The following PSMA2 variants were observed in gnomAD, a reference collection of about 807,000 sequenced individuals.
The protein encoded by PSMA2 is proteasome subunit alpha type-2.
In PSMA2, 2 loss-of-function variants were observed where a neutral mutation model predicts 35.9. The observed-to-expected ratio is 0.06, with a 90% CI of 0.02 to 0.18. The LOEUF (loss-of-function observed/expected upper bound fraction) is 0.18, where lower values mean the gene tolerates loss of function less well. PSMA2 is among the 10% of genes least tolerant of loss of function. The pLI is 1.00. For synonymous variants in PSMA2, 97 were observed against 98.2 expected (o/e 0.99, Z 0.07); for missense variants, 126 against 278.8 (o/e 0.45, Z 3.90).
Position 42,927,597 on chromosome 7 carries a change from A to G in PSMA2, c.42-138T>C, listed in dbSNP as rs574879607. 5.2e-6 allele frequency: 4 copies of G among 765,554 alleles called. 1 individual carries two copies. In the South Asian group the frequency reaches 5.3e-5, roughly 10 times the overall value. 47.4% of individuals were successfully genotyped at this position (765,554 alleles called of 1,614,324 possible). ...GAGTAACTGGCCTTTGACCTCTATCATGAAGTGGCACAGAAACCAAGTTTA... is the reference window on the plus strand; with the variant it reads ...GAGTAACTGGCCTTTGACCTCTATCGTGAAGTGGCACAGAAACCAAGTTTA... On this transcript the variant is annotated intron_variant, in intron 1 of 7. Coordinates refer to ENST00000223321, the MANE Select transcript of PSMA2 (RefSeq NM_002787.5).
chr7:42,918,089 T>TG (rs1786061657), intron 6 of PSMA2: 1 of 197,706 alleles, frequency 5.1e-6, no homozygotes, highest in Admixed American at 6.0e-5. Flanking sequence ...TTTTTTTTTT[T>TG]GAGACACAGT....
intron 6 of PSMA2, chr7:42,918,040 G>T: frequency 2.6e-6 from 1 of 387,524 alleles, no homozygotes; most frequent in Non-Finnish European, 4.6e-6. Flanking sequence ...CATCATGAAC[G>T]GTATGACCCT....
intron 1 of PSMA2, among the ~76,000 whole-genome samples, 199 bp downstream of exon 1, chr7:42,931,919 C>T (rs1201231423): frequency 6.6e-6 from 1 of 152,192 alleles, no homozygotes; most frequent in African/African-American, 2.4e-5. Context: ...TCCCCCCGAC[C>T]CTCCAGCAGC....
At chr7:42,927,558 T>G in intron 1 of PSMA2, 99 bp from the exon 2 acceptor site, 1 of 1,173,470 alleles carries the variant, frequency 8.5e-7, no homozygotes, top group Non-Finnish European at 1.3e-6. Context: ...AAATCCAATT[T>G]ATCCAACTCC....
chr7:42,920,970 G>C (rs1262039870), intron 6 of PSMA2: 2 of 152,162 alleles, frequency 1.3e-5, no homozygotes, highest in African/African-American at 2.4e-5. Context: ...TGGAGGGAGA[G>C]AGTAGCACAG....
intron 1 of PSMA2, chr7:42,931,024 C>T (rs1786299315): frequency 6.7e-6 from 2 of 296,892 alleles, no homozygotes; most frequent in South Asian, 2.6e-5. Flanking sequence ...TTTAAGACAA[C>T]GTTATGTAAT....
intron 1 of PSMA2, among the ~76,000 whole-genome samples, chr7:42,928,516 G>GC (rs1786247681): frequency 6.6e-6 from 1 of 152,108 alleles, no homozygotes; most frequent in Admixed American, 6.5e-5. Context: ...GTAGCTAAAC[G>GC]CAAGTCTCAA....
At chr7:42,926,056 TGCCACACTC>T (rs1304640383) in intron 3 of PSMA2, among the ~76,000 whole-genome samples, 1 of 152,216 alleles carries the variant, frequency 6.6e-6, no homozygotes, top group African/African-American at 2.4e-5. Context: ...CCTGGTTGGC[TGCCACACTC>T]AACAACTTGC....
At chr7:42,931,891 T>A (rs1365425240) in intron 1 of PSMA2, among the ~76,000 whole-genome samples, 1 of 76,926 alleles carries the variant, frequency 1.3e-5, no homozygotes, top group Non-Finnish European at 2.8e-5. Flanking sequence ...AGCCCCATGT[T>A]AACCCCGCAA....
intron 5 of PSMA2, among the ~76,000 whole-genome samples, chr7:42,922,481 CAGAGGAAAAT>C (rs576180156): frequency 1.5e-3 from 222 of 152,068 alleles, no homozygotes; most frequent in African/African-American, 5.1e-3. Context: ...TTAGACACAA[CAGAGGAAAAT>C]AGGACAAAAG....
At chr7:42,927,980 A>G (rs918884456) in intron 1 of PSMA2, among the ~76,000 whole-genome samples, 8 of 151,910 alleles carry the variant, frequency 5.3e-5, no homozygotes, top group African/African-American at 1.9e-4. Context: ...CTACTGAAGC[A>G]CTACTTTCTC....
intron 6 of PSMA2, chr7:42,918,692 C>CA (rs750489998): frequency 1.3e-5 from 2 of 154,112 alleles, no homozygotes; most frequent in Admixed American, 6.5e-5. Flanking sequence ...GGAGAAAAGA[C>CA]AAGGATGACC....
In PSMA2 at chr7:42,928,445, T is replaced by C. The variant is rs559242991; in HGVS notation, c.42-986A>G. On this transcript the variant is annotated intron_variant, in intron 1 of 7. Coordinates refer to ENST00000223321, the MANE Select transcript of PSMA2 (RefSeq NM_002787.5). ...ACAATTAAGTATTCTCTATATAATATACAACTATTTCTAGAAGTCATGAGA... is the reference window on the plus strand; with the variant it reads ...ACAATTAAGTATTCTCTATATAATACACAACTATTTCTAGAAGTCATGAGA... Among the ~76,000 whole-genome samples, 4 of 152,316 alleles carry C rather than the reference T, an allele frequency of 2.6e-5. No individual in the cohort carries two copies. In the East Asian group the frequency reaches 5.8e-4, roughly 22 times the overall value.
In PSMA2 at chr7:42,917,273, ATT is replaced by A; in HGVS notation, c.*299_*300del. The A allele has an allele frequency of 4.3e-6, 1 of 235,132 alleles. No individual in the cohort carries two copies. Among genetic ancestry groups the A allele is most frequent in the Non-Finnish European group, 8.3e-6 (1 of 120,236 alleles). 14.6% of individuals were successfully genotyped at this position (235,132 alleles called of 1,614,324 possible). A position where few individuals can be genotyped will look rare whatever the true frequency, so the allele number is the denominator to read the frequency against. ...ATCTGATAGCGAAGAGGGCATTAAG[ATT>A]TGACTTAACCAAAATTGCCTGACAA... is the stretch of plus-strand genomic sequence containing the variant. On this transcript the variant is annotated 3_prime_UTR_variant, in exon 8 of 8. Transcript: ENST00000223321.
chr7:42,926,039 T>C (rs653079), intron 3 of PSMA2, among the ~76,000 whole-genome samples: 128,799 of 152,268 alleles, frequency 0.85, 54,674 homozygotes, highest in South Asian at 0.91. Flanking sequence ...TACACAAGCA[T>C]TGGGATCCTG....
intron 1 of PSMA2, chr7:42,931,212 G>A: frequency 2.3e-6 from 1 of 438,548 alleles, no homozygotes; most frequent in South Asian, 1.6e-5. Flanking sequence ...AGGTTAAGTT[G>A]CACCTAACAA....
chr7:42,930,639 G>A (rs956469054), intron 1 of PSMA2, among the ~76,000 whole-genome samples: 1 of 151,962 alleles, frequency 6.6e-6, no homozygotes, highest in African/African-American at 2.4e-5. Context: ...GCTCCACTAG[G>A]ATTACACTTT....
rs769124301 is a variant in PSMA2 at position 42,917,796 on chromosome 7, T to G, written c.570A>C (p.Thr190=). 5 of 1,610,158 alleles carry G rather than the reference T, an allele frequency of 3.1e-6. No homozygotes were observed. Among genetic ancestry groups the G allele is most frequent in the Admixed American group, 1.7e-5 (1 of 59,946 alleles). ...AGCTAACCTTTAGGGTTAAGATGGC[T>G]GTATGAATGGCATCTTCAAGTTCCA... is the stretch of plus-strand genomic sequence containing the variant. ...EDLELEDAIH[T]AILTLKESFE... Residue 190 remains threonine, a synonymous_variant, in exon 7 of 8, where the codon ACA becomes ACC. Transcript: ENST00000223321.
chr7:42,931,428 C>T, intron 1 of PSMA2, among the ~76,000 whole-genome samples: 1 of 152,314 alleles, frequency 6.6e-6, no homozygotes, highest in East Asian at 1.9e-4. Flanking sequence ...ATTCTAATCC[C>T]CTTTTCTACA....
Sources: allele counts gnomAD v4.1 joint callset (sites outside exome capture counted in the v4.1 genomes callset), GRCh38; gene constraint gnomAD v4.1.1; transcripts MANE v1.5; gene names NCBI Gene and HGNC (gene_info 2026-07-23, HGNC 2026-07-21).